The following CSMD1 variants were observed in gnomAD, a reference collection of about 807,000 sequenced individuals.
The protein encoded by CSMD1 is CUB and sushi domain-containing protein 1.
In CSMD1, 213 loss-of-function variants were observed where a neutral mutation model predicts 417.5. That is an observed-to-expected ratio of 0.51 (90% confidence interval 0.46 to 0.57). CSMD1 has a LOEUF of 0.57. Ranked by LOEUF, CSMD1 falls within the 20% of genes least tolerant of loss-of-function variation. The probability of loss-of-function intolerance (pLI) is 0.00; values close to 1 mark genes in which losing one functional copy is unlikely to be tolerated. For synonymous variants in CSMD1, 2,862 were observed against 1,736.8 expected, an observed-to-expected ratio of 1.65 and a Z score of -16.11; for missense variants, 6,923 against 4,529.7, an observed-to-expected ratio of 1.53 and a Z score of -15.17.
intron 2 of CSMD1, among the ~76,000 whole-genome samples, chr8:4,441,095 G>A (rs1179384577): frequency 1.9e-5 from 1 of 51,296 alleles, no homozygotes; most frequent in African/African-American, 6.7e-5. Flanking sequence ...TAATCAAAAG[G>A]TTTTTTTTTT....
intron 2 of CSMD1, among the ~76,000 whole-genome samples, chr8:4,464,515 G>A (rs73660870): frequency 2.0e-5 from 3 of 152,156 alleles, no homozygotes; most frequent in East Asian, 1.9e-4. Context: ...TGAGTATCTC[G>A]TGTCATTTAT....
chr8:3,936,324 G>A (rs143422274), intron 5 of CSMD1, among the ~76,000 whole-genome samples: 1 of 152,176 alleles, frequency 6.6e-6, no homozygotes, highest in Admixed American at 6.6e-5. Context: ...CAGATATTGA[G>A]TGTAAACAAA....
chr8:4,408,818 G>A (rs569072202), intron 3 of CSMD1, among the ~76,000 whole-genome samples: 2 of 152,228 alleles, frequency 1.3e-5, no homozygotes, highest in East Asian at 1.9e-4. Flanking sequence ...GCACAATAAA[G>A]GGGGAAACCT....
chr8:3,965,461 CTGTT>C (rs758049395), intron 5 of CSMD1, among the ~76,000 whole-genome samples: 4 of 152,140 alleles, frequency 2.6e-5, no homozygotes, highest in Non-Finnish European at 5.9e-5. Flanking sequence ...GTAGAATTCT[CTGTT>C]TGAGTAGACG....
At chr8:3,138,231 C>CA (rs1563077330) in intron 41 of CSMD1, among the ~76,000 whole-genome samples, 2 of 152,158 alleles carry the variant, frequency 1.3e-5, no homozygotes, top group South Asian at 2.1e-4. Flanking sequence ...CTCTCGAAAA[C>CA]AAAAAACCAT....
chr8:4,290,498 G>GA (rs59719988), intron 3 of CSMD1, among the ~76,000 whole-genome samples: 4 of 151,908 alleles, frequency 2.6e-5, no homozygotes, highest in Non-Finnish European at 4.4e-5. Context: ...CATAGCATGA[G>GA]AAAAAAAGGA....
intron 4 of CSMD1, among the ~76,000 whole-genome samples, chr8:4,005,109 T>C (rs1212649489): frequency 2.6e-5 from 4 of 152,026 alleles, no homozygotes; most frequent in Admixed American, 6.6e-5. Context: ...GGAATAGGAA[T>C]GATATAATGG....
intron 3 of CSMD1, among the ~76,000 whole-genome samples, chr8:4,372,483 A>G (rs185920073): frequency 2.1e-5 from 3 of 145,732 alleles, no homozygotes; most frequent in South Asian, 2.1e-4. Context: ...TGTCACTTAA[A>G]ACAACAACAA....
At chr8:3,890,106 T>G (rs1806857412) in intron 5 of CSMD1, among the ~76,000 whole-genome samples, 1 of 152,194 alleles carries the variant, frequency 6.6e-6, no homozygotes, top group Non-Finnish European at 1.5e-5. Context: ...TGAGATAATC[T>G]GATAATATAA....
At chr8:3,930,716 G>A (rs140662217) in intron 5 of CSMD1, among the ~76,000 whole-genome samples, 1 of 150,460 alleles carries the variant, frequency 6.6e-6, no homozygotes, top group African/African-American at 2.4e-5. Flanking sequence ...GGAAAAAAAT[G>A]GCCTTGTGAG....
intron 3 of CSMD1, among the ~76,000 whole-genome samples, chr8:4,056,825 G>T (rs564813549): frequency 6.6e-6 from 1 of 152,184 alleles, no homozygotes; most frequent in East Asian, 1.9e-4. Flanking sequence ...TGAGAATGAT[G>T]ATTTCCAATT....
At chr8:3,590,274 C>G (rs1033885374) in intron 8 of CSMD1, among the ~76,000 whole-genome samples, 3 of 151,966 alleles carry the variant, frequency 2.0e-5, no homozygotes, top group Non-Finnish European at 4.4e-5. Flanking sequence ...TTTATATATT[C>G]AAATGATTAT....
chr8:4,650,874 G>T (rs554464712), intron 1 of CSMD1, among the ~76,000 whole-genome samples: 2 of 152,210 alleles, frequency 1.3e-5, no homozygotes, highest in Non-Finnish European at 2.9e-5. Flanking sequence ...GATAAAGTAT[G>T]TGAACAGAAG....
At chr8:3,304,636 C>T (rs1394187574) in intron 25 of CSMD1, among the ~76,000 whole-genome samples, 1 of 152,062 alleles carries the variant, frequency 6.6e-6, no homozygotes, top group Non-Finnish European at 1.5e-5. Flanking sequence ...GTGTGTACCT[C>T]ATATTGAAAT....
At chr8:4,552,079 T>C (rs1171246309) in intron 2 of CSMD1, among the ~76,000 whole-genome samples, 3 of 152,196 alleles carry the variant, frequency 2.0e-5, no homozygotes, top group African/African-American at 7.2e-5. Context: ...TTGAATGAAA[T>C]AAGGAACTGA....
intron 3 of CSMD1, among the ~76,000 whole-genome samples, chr8:4,362,370 T>C (rs144759628): frequency 7.9e-5 from 12 of 151,786 alleles, no homozygotes; most frequent in Admixed American, 2.6e-4. Flanking sequence ...CCTGCACTCA[T>C]AGTGGTCCAG....
chr8:4,320,242 G>C (rs1015661510), intron 3 of CSMD1, among the ~76,000 whole-genome samples: 1 of 152,112 alleles, frequency 6.6e-6, no homozygotes, highest in African/African-American at 2.4e-5. Context: ...GGCATGAAAA[G>C]AAACAGGAAA....
chr8:4,220,096 C>T (rs546686593), intron 3 of CSMD1, among the ~76,000 whole-genome samples: 3 of 152,236 alleles, frequency 2.0e-5, no homozygotes, highest in Non-Finnish European at 4.4e-5. Flanking sequence ...ATTACAGGCA[C>T]GTGCCACCAT....
intron 2 of CSMD1, among the ~76,000 whole-genome samples, chr8:4,607,975 T>A (rs1045705465): frequency 6.6e-6 from 1 of 152,264 alleles, no homozygotes; most frequent in East Asian, 1.9e-4. Flanking sequence ...CCTGTATCAA[T>A]GTTATTATAT....
Sources: gnomAD v4.1 joint callset for allele counts (sites outside exome capture counted in the v4.1 genomes callset) on GRCh38, gnomAD v4.1.1 for gene constraint, MANE v1.5 for transcripts, NCBI Gene and HGNC (gene_info 2026-07-23, HGNC 2026-07-21) for gene names.